SPOCK1: variants seen among roughly 807,000 people sequenced by gnomAD.
SPOCK1 encodes SPARC (osteonectin), cwcv and kazal like domains proteoglycan 1, also known as testican-1.
A neutral mutation model predicts 55.3 loss-of-function variants in SPOCK1; 23 were observed. The observed-to-expected ratio is 0.42, with a 90% confidence interval of 0.30 to 0.59. The LOEUF is 0.59. Among genes scored for constraint, SPOCK1 ranks in the 20% least tolerant of loss-of-function variants. SPOCK1 has a pLI of 0.22. For missense variants in SPOCK1, 499 were observed against 552.5 expected (o/e 0.90, Z 0.97); for synonymous variants, 226 against 221.0 (o/e 1.02, Z -0.20).
In SPOCK1 at chr5:137,426,334, A is replaced by G. The variant is rs529659341; in HGVS notation, c.186+72039T>C. On this transcript the variant is annotated intron_variant, in intron 2 of 10. Coordinates refer to ENST00000394945, the MANE Select transcript of SPOCK1 (RefSeq NM_004598.4). ...AAGATTATCAACTGCTTACTCCCCAATGCAGAGGGAGGCAATGAGAATTCT... is the reference window on the plus strand; with the variant it reads ...AAGATTATCAACTGCTTACTCCCCAGTGCAGAGGGAGGCAATGAGAATTCT... Among the ~76,000 whole-genome samples, 32 of 152,342 alleles carry G rather than the reference A, an allele frequency of 2.1e-4. No individual in the cohort carries two copies. The East Asian group carries it at 2.3e-3, about 11-fold the overall frequency.
chr5:136,997,652 T>C (rs1371176860), intron 6 of SPOCK1, among the ~76,000 whole-genome samples: 1 of 152,208 alleles, frequency 6.6e-6, no homozygotes, highest in Non-Finnish European at 1.5e-5. Flanking sequence ...TGCTCTTCTA[T>C]TGGGAAACAA....
intron 2 of SPOCK1, among the ~76,000 whole-genome samples, chr5:137,478,076 A>G (rs1217017834): frequency 6.6e-6 from 1 of 152,178 alleles, no homozygotes; most frequent in Non-Finnish European, 1.5e-5. Flanking sequence ...CCTCAGGTAT[A>G]TAACGGAGGT....
At chr5:137,282,166 C>T (rs1362106361) in intron 2 of SPOCK1, among the ~76,000 whole-genome samples, 4 of 152,288 alleles carry the variant, frequency 2.6e-5, no homozygotes, top group African/African-American at 9.6e-5. Flanking sequence ...TAGTTGACCC[C>T]AGTATATCCT....
At chr5:137,203,179 C>T (rs866464761) in intron 3 of SPOCK1, among the ~76,000 whole-genome samples, 1 of 151,994 alleles carries the variant, frequency 6.6e-6, no homozygotes, top group African/African-American at 2.4e-5. Context: ...TTTTAATGCT[C>T]TAAATGTGGT....
intron 5 of SPOCK1, among the ~76,000 whole-genome samples, chr5:137,086,469 A>T (rs549710124): frequency 1.3e-5 from 2 of 152,328 alleles, no homozygotes; most frequent in African/African-American, 4.8e-5. Context: ...ATGAGGGCAC[A>T]GGCTCTTTGT....
intron 9 of SPOCK1, among the ~76,000 whole-genome samples, chr5:136,984,597 A>G (rs1228703905): frequency 1.3e-5 from 2 of 152,284 alleles, no homozygotes; most frequent in Middle Eastern, 3.4e-3. Context: ...AGGGGAACAC[A>G]CATTCACTCA....
chr5:137,150,998 G>A (rs1159178918), intron 3 of SPOCK1, among the ~76,000 whole-genome samples: 2 of 152,154 alleles, frequency 1.3e-5, no homozygotes, highest in Non-Finnish European at 2.9e-5. Flanking sequence ...GCACAGCCTG[G>A]CCACTTCTTT....
At position 137,059,508 on chromosome 5, in the gene SPOCK1, C is replaced by T. The variant is rs1752358515; in HGVS notation, c.589+8207G>A. On this transcript the variant is annotated intron_variant, in intron 6 of 10. Coordinates refer to ENST00000394945, the MANE Select transcript of SPOCK1 (RefSeq NM_004598.4). ...AACTATAAAACCTCTTCAAGAAAACCTAGGAAATGCCATTCTAGACATAGA... is the reference window on the plus strand; with the variant it reads ...AACTATAAAACCTCTTCAAGAAAACTTAGGAAATGCCATTCTAGACATAGA... 3.9e-5 allele frequency among the ~76,000 whole-genome samples: 6 copies of T among 152,192 alleles called. No individual in the cohort carries two copies. In the South Asian group the frequency reaches 1.2e-3, roughly 32 times the overall value.
chr5:136,986,241 C>T (rs958552626), intron 8 of SPOCK1, among the ~76,000 whole-genome samples: 2 of 152,166 alleles, frequency 1.3e-5, no homozygotes, highest in African/African-American at 4.8e-5. Context: ...TTCTGGCTTT[C>T]AGCAACTGCA....
At chr5:137,361,483 A>G (rs1750943194) in intron 2 of SPOCK1, among the ~76,000 whole-genome samples, 1 of 152,250 alleles carries the variant, frequency 6.6e-6, no homozygotes, top group African/African-American at 2.4e-5. Flanking sequence ...GTGTACGTGC[A>G]TAGATAAAAA....
intron 3 of SPOCK1, among the ~76,000 whole-genome samples, chr5:137,165,886 A>C (rs1321927288): frequency 6.6e-6 from 1 of 152,128 alleles, no homozygotes; most frequent in Non-Finnish European, 1.5e-5. Flanking sequence ...AAAAAAATTA[A>C]AAACAATAAA....
chr5:137,365,757 T>A (rs1485721779), intron 2 of SPOCK1, among the ~76,000 whole-genome samples: 2 of 152,214 alleles, frequency 1.3e-5, no homozygotes, highest in African/African-American at 4.8e-5. Context: ...TAAAAATCTC[T>A]TCAGAGCTCA....
At chr5:137,062,316 C>T (rs747465251) in intron 6 of SPOCK1, among the ~76,000 whole-genome samples, 3 of 151,906 alleles carry the variant, frequency 2.0e-5, no homozygotes, top group Non-Finnish European at 4.4e-5. Flanking sequence ...GGGGAAGCTC[C>T]AAATCCCTTC....
chr5:137,345,854 T>C (rs1750544413), intron 2 of SPOCK1, among the ~76,000 whole-genome samples: 1 of 152,198 alleles, frequency 6.6e-6, no homozygotes, highest in Non-Finnish European at 1.5e-5. Context: ...AAGAGAAGGC[T>C]ACCAGATAGA....
intron 2 of SPOCK1, among the ~76,000 whole-genome samples, chr5:137,435,881 G>T (rs973952004): frequency 6.6e-6 from 1 of 151,760 alleles, no homozygotes; most frequent in Non-Finnish European, 1.5e-5. Flanking sequence ...TTAGCTGGGC[G>T]CGGTGGCTCA....
chr5:136,988,399 C>A, intron 8 of SPOCK1, 23 bp downstream of exon 8: 1 of 1,607,396 alleles, frequency 6.2e-7, no homozygotes, highest in South Asian at 1.1e-5. Flanking sequence ...GGCTAGGGAC[C>A]CCAACCCTCC....
chr5:137,033,427 C>A (rs780111168), intron 6 of SPOCK1, among the ~76,000 whole-genome samples: 3 of 152,362 alleles, frequency 2.0e-5, no homozygotes, highest in South Asian at 4.1e-4. Flanking sequence ...AAATGCCCCA[C>A]GTCTGTGAAG....
rs758452849 is a variant in SPOCK1, at chr5:137,266,962, G to C, written c.232+48C>G. 4 of 1,541,170 alleles carry C rather than the reference G, an allele frequency of 2.6e-6. No homozygotes were observed. The East Asian group carries it at 9.0e-5, about 35-fold the overall frequency. On this transcript the variant is annotated intron_variant, in intron 3 of 10. Coordinates refer to ENST00000394945, the MANE Select transcript of SPOCK1 (RefSeq NM_004598.4). Reference sequence around the variant, plus strand: ...TCAGCATGCAAGGAAGGAAAAATGAGACCACATTTACCACAGACTATACAG... The same window carrying C: ...TCAGCATGCAAGGAAGGAAAAATGACACCACATTTACCACAGACTATACAG...
At chr5:137,073,515 C>A (rs1752656999) in intron 5 of SPOCK1, among the ~76,000 whole-genome samples, 1 of 152,152 alleles carries the variant, frequency 6.6e-6, no homozygotes, top group Admixed American at 6.6e-5. Context: ...CTTAGTGGAA[C>A]CGATGGTTGG....
Sources: allele counts gnomAD v4.1 joint callset (sites outside exome capture counted in the v4.1 genomes callset), GRCh38; gene constraint gnomAD v4.1.1; transcripts MANE v1.5; gene names NCBI Gene and HGNC (gene_info 2026-07-23, HGNC 2026-07-21).